Variants in DISP1 observed in about 807,000 individuals in gnomAD.
DISP1 encodes the protein protein dispatched homolog 1.
DISP1 carries 30 observed loss-of-function variants against 37.3 expected under a neutral mutation model. The ratio of observed to expected loss-of-function variants is 0.80; its 90% CI spans 0.60 to 1.09. DISP1 has a LOEUF of 1.09. Among genes scored for constraint, DISP1 ranks in the 50% least tolerant of loss-of-function variants. DISP1 has a pLI of 0.00. For synonymous variants in DISP1, 634 were observed against 690.2 expected (o/e 0.92, Z 1.28); for missense variants, 1,598 against 1,879.5 (o/e 0.85, Z 2.77).
chr1:222,945,167 G>A (rs973763775), intron 3 of DISP1, among the ~76,000 whole-genome samples: 1 of 152,236 alleles, frequency 6.6e-6, no homozygotes, highest in African/African-American at 2.4e-5. Flanking sequence ...AAGAAAGAGT[G>A]AGGAGGGGGA....
chr1:222,902,335 G>T (rs936482133), intron 1 of DISP1, among the ~76,000 whole-genome samples: 10 of 152,094 alleles, frequency 6.6e-5, no homozygotes, highest in Non-Finnish European at 1.5e-4. Flanking sequence ...TGAATGTGTC[G>T]CAGAGATTCT....
At position 222,970,820 on chromosome 1, in the gene DISP1, C is replaced by T. The variant is rs571035711; in HGVS notation, c.510-12260C>T. Among the ~76,000 whole-genome samples, 5 of 152,174 alleles carry T rather than the reference C, an allele frequency of 3.3e-5. No homozygotes were observed. The East Asian group carries it at 9.7e-4, about 29-fold the overall frequency. On this transcript the variant is annotated intron_variant, in intron 3 of 8. Coordinates refer to ENST00000675850, the MANE Select transcript of DISP1 (RefSeq NM_001377229.1). The stretch of plus-strand genomic sequence containing the variant: ...TCACATAGTATTTGGGTGTCACTGG[C>T]ATGTATAATAGATTCTGGAGTTGCA...
intron 7 of DISP1, among the ~76,000 whole-genome samples, chr1:222,994,150 A>C (rs910381296): frequency 6.6e-6 from 1 of 152,294 alleles, no homozygotes; most frequent in Admixed American, 6.5e-5. Context: ...TTTGAGATAG[A>C]TATTGCTGTC....
intron 1 of DISP1, among the ~76,000 whole-genome samples, chr1:222,917,378 G>C (rs1447873854): frequency 1.3e-5 from 2 of 152,118 alleles, no homozygotes; most frequent in Non-Finnish European, 2.9e-5. Flanking sequence ...GGACAGATAG[G>C]GTCCTATAGG....
intron 1 of DISP1, chr1:222,872,156 A>G (rs1669627927): frequency 2.0e-5 from 3 of 152,196 alleles, no homozygotes; most frequent in Non-Finnish European, 1.5e-5. Flanking sequence ...GTGGTGGATA[A>G]GCTTTTTGAT....
At chr1:222,848,773 G>A (rs73128611) in intron 1 of DISP1, among the ~76,000 whole-genome samples, 3,914 of 152,170 alleles carry the variant, frequency 0.026, 184 homozygotes, top group African/African-American at 0.088. Flanking sequence ...ACATGCAGGG[G>A]CTAATATATG....
intron 4 of DISP1, among the ~76,000 whole-genome samples, chr1:222,988,001 G>A (rs1234851536): frequency 6.6e-6 from 1 of 152,198 alleles, no homozygotes; most frequent in Non-Finnish European, 1.5e-5. Context: ...AGGAAATAAA[G>A]TAAGGAGAAT....
intron 1 of DISP1, among the ~76,000 whole-genome samples, chr1:222,830,024 C>A (rs897606740): frequency 6.6e-6 from 1 of 152,068 alleles, no homozygotes; most frequent in Non-Finnish European, 1.5e-5. Flanking sequence ...TGAAAGGAAA[C>A]AATTGCTTGC....
intron 2 of DISP1, among the ~76,000 whole-genome samples, chr1:222,932,969 T>C (rs1673497102): frequency 6.6e-6 from 1 of 151,948 alleles, no homozygotes; most frequent in Non-Finnish European, 1.5e-5. Context: ...TGTTCCCACA[T>C]AGACCAAAGG....
chr1:222,957,343 C>T (rs898026449), intron 3 of DISP1, among the ~76,000 whole-genome samples: 4 of 152,070 alleles, frequency 2.6e-5, no homozygotes, highest in African/African-American at 9.7e-5. Context: ...AATCCCAGCT[C>T]TTTGGGAAGC....
intron 1 of DISP1, among the ~76,000 whole-genome samples, chr1:222,873,935 T>C (rs1572395830): frequency 2.6e-5 from 4 of 152,246 alleles, no homozygotes; most frequent in African/African-American, 9.6e-5. Flanking sequence ...CCATGTTTAG[T>C]GCTTCCTTCA....
At position 223,005,309 on chromosome 1, in the gene DISP1, C is replaced by T; in HGVS notation, c.3912C>T (p.Ser1304=). 1.2e-6 allele frequency: 2 copies of T among 1,613,716 alleles called. No homozygotes were observed. The highest frequency in any genetic ancestry group is 8.5e-7 in the Non-Finnish European group (1 of 1,180,022). The change falls in exon 9 of 9, where the codon AGC becomes AGT. Residue 1304 remains serine, a synonymous_variant. Transcript: ENST00000675850. ...ACCAGTGCTCTCCTACCACTAGCAGCTTTGTCCAGATCCAAAACGGCGTGG... is the reference window on the plus strand; with the variant it reads ...ACCAGTGCTCTCCTACCACTAGCAGTTTTGTCCAGATCCAAAACGGCGTGG... ...LCHQCSPTTS[S]FVQIQNGVAP...
At chr1:222,978,695 G>A (rs979896451) in intron 3 of DISP1, among the ~76,000 whole-genome samples, 1 of 152,142 alleles carries the variant, frequency 6.6e-6, no homozygotes, top group African/African-American at 2.4e-5. Flanking sequence ...ATTAATTTTT[G>A]TATAAGGTGT....
At chr1:223,001,312 A>G (rs1679425520) in intron 8 of DISP1, among the ~76,000 whole-genome samples, 1 of 152,246 alleles carries the variant, frequency 6.6e-6, no homozygotes, top group South Asian at 2.1e-4. Context: ...CAATTTGAAT[A>G]AACTTTATGG....
intron 3 of DISP1, among the ~76,000 whole-genome samples, chr1:222,944,025 A>AC: frequency 6.6e-6 from 1 of 152,096 alleles, no homozygotes; most frequent in Non-Finnish European, 1.5e-5. Flanking sequence ...AGTGAAACTC[A>AC]GTCTCCAAGA....
intron 1 of DISP1, among the ~76,000 whole-genome samples, chr1:222,862,818 A>G (rs1668959584): frequency 6.6e-6 from 1 of 152,086 alleles, no homozygotes; most frequent in Non-Finnish European, 1.5e-5. Context: ...AGTGTGAGCC[A>G]CCGTGCTCAG....
At chr1:222,826,884 A>G (rs1558279484) in intron 1 of DISP1, among the ~76,000 whole-genome samples, 1 of 152,216 alleles carries the variant, frequency 6.6e-6, no homozygotes, top group African/African-American at 2.4e-5. Flanking sequence ...CTCCTTTACT[A>G]TAAAGCTGAT....
chr1:222,837,710 T>A (rs1667327893), intron 1 of DISP1, among the ~76,000 whole-genome samples: 1 of 152,154 alleles, frequency 6.6e-6, no homozygotes, highest in Non-Finnish European at 1.5e-5. Flanking sequence ...TTCTATAATG[T>A]CATTCGTAAT....
chr1:222,961,912 A>G (rs1054191646), intron 3 of DISP1, among the ~76,000 whole-genome samples: 2 of 152,244 alleles, frequency 1.3e-5, no homozygotes, highest in South Asian at 4.2e-4. Context: ...AGGCTGAGGC[A>G]GGAGAATCAC....
Sources: gnomAD v4.1 joint callset for allele counts (sites outside exome capture counted in the v4.1 genomes callset) on GRCh38, gnomAD v4.1.1 for gene constraint, MANE v1.5 for transcripts, NCBI Gene and HGNC (gene_info 2026-07-23, HGNC 2026-07-21) for gene names.